UBE2R2: variants seen among roughly 807,000 people sequenced by gnomAD.
The protein encoded by UBE2R2 is ubiquitin-conjugating enzyme E2 R2.
Under a neutral mutation model 27.8 loss-of-function variants are expected in UBE2R2, and 1 was observed. The ratio of observed to expected loss-of-function variants is 0.04; its 90% CI spans 0.01 to 0.17. The LOEUF (loss-of-function observed/expected upper bound fraction) is 0.17. Ranked by LOEUF, UBE2R2 falls within the 10% of genes least tolerant of loss-of-function variation. The probability of loss-of-function intolerance (pLI) is 1.00; values close to 1 mark genes in which losing one functional copy is unlikely to be tolerated. For synonymous variants in UBE2R2, 106 were observed against 113.3 expected (o/e 0.94, Z 0.41); for missense variants, 100 against 291.0 (o/e 0.34, Z 4.78).
chr9:33,847,394 C>T (rs1215249695), intron 1 of UBE2R2, among the ~76,000 whole-genome samples: 2 of 152,184 alleles, frequency 1.3e-5, no homozygotes, highest in South Asian at 2.1e-4. Flanking sequence ...TGCGCCCGGC[C>T]CTGGCTTGCT....
rs116108102 is a variant in UBE2R2, at chr9:33,878,792, C to T, written c.178-8089C>T. On this transcript the variant is annotated intron_variant, in intron 1 of 4. Coordinates refer to ENST00000263228, the MANE Select transcript of UBE2R2 (RefSeq NM_017811.4). The stretch of plus-strand genomic sequence containing the variant: ...GGGCTTTGTGGAGTACTGAAAATGC[C>T]AAGGTTGCAGTGAGCTAACTTGCAG... 2.9e-3 allele frequency among the ~76,000 whole-genome samples: 449 copies of T among 152,210 alleles called. 2 individuals carry two copies. Among genetic ancestry groups the T allele is most frequent in the African/African-American group, 9.9e-3 (410 of 41,552 alleles).
intron 1 of UBE2R2, among the ~76,000 whole-genome samples, chr9:33,836,757 CAA>C (rs776570301): frequency 2.8e-4 from 41 of 147,804 alleles, no homozygotes; most frequent in East Asian, 3.9e-4. Flanking sequence ...ACTCTTATCT[CAA>C]AAAAAAAAAA....
At chr9:33,832,259 GATTGCGCC>G (rs1820506143) in intron 1 of UBE2R2, among the ~76,000 whole-genome samples, 1 of 151,090 alleles carries the variant, frequency 6.6e-6, no homozygotes, top group East Asian at 2.0e-4. Flanking sequence ...AGTGAGCTGA[GATTGCGCC>G]ATTGCACTCC....
At chr9:33,822,896 C>G (rs1481297220) in intron 1 of UBE2R2, among the ~76,000 whole-genome samples, 1 of 145,030 alleles carries the variant, frequency 6.9e-6, no homozygotes, top group Non-Finnish European at 1.5e-5. Flanking sequence ...TCTTTTTCTT[C>G]TTCTTATTAA....
intron 1 of UBE2R2, among the ~76,000 whole-genome samples, chr9:33,860,084 G>A (rs1821195910): frequency 6.7e-6 from 1 of 149,226 alleles, no homozygotes; most frequent in Non-Finnish European, 1.5e-5. Context: ...TGAGATTACA[G>A]GTGTGAGCCA....
chr9:33,890,204 C>T (rs539431205), intron 2 of UBE2R2, among the ~76,000 whole-genome samples: 65 of 152,200 alleles, frequency 4.3e-4, no homozygotes, highest in Non-Finnish European at 6.5e-4. Flanking sequence ...AAAATTTTTT[C>T]CATATTCATA....
At chr9:33,906,848 G>T (rs983919462) in intron 3 of UBE2R2, among the ~76,000 whole-genome samples, 1 of 152,132 alleles carries the variant, frequency 6.6e-6, no homozygotes, top group Non-Finnish European at 1.5e-5. Context: ...ACCAGCCTGG[G>T]CAACATGACG....
Position 33,832,841 on chromosome 9 carries a change from TAC to T in UBE2R2, c.177+14909_177+14910del, listed in dbSNP as rs1820524941. Among the ~76,000 whole-genome samples, 3 of 152,276 alleles carry T rather than the reference TAC, an allele frequency of 2.0e-5. No individual in the cohort carries two copies. In the South Asian group the frequency reaches 6.2e-4, roughly 32 times the overall value. On this transcript the variant is annotated intron_variant, in intron 1 of 4. Coordinates refer to ENST00000263228, the MANE Select transcript of UBE2R2 (RefSeq NM_017811.4). ...ATACATTAAAATTAATCTTTTTAGT[TAC>T]ATAGTTCTATGAATTTTGATAAATG...
chr9:33,836,489 C>T (rs1451446163), intron 1 of UBE2R2, among the ~76,000 whole-genome samples: 1 of 152,068 alleles, frequency 6.6e-6, no homozygotes, highest in Non-Finnish European at 1.5e-5. Flanking sequence ...GGCTTGGTGG[C>T]TCATGCCTAT....
At chr9:33,877,825 C>CTGTCTGTCTG (rs760584943) in intron 1 of UBE2R2, among the ~76,000 whole-genome samples, 16 of 143,680 alleles carry the variant, frequency 1.1e-4, no homozygotes, top group African/African-American at 4.1e-4. Flanking sequence ...GTCTGTCTGT[C>CTGTCTGTCTG]TCTCTCTCTC....
intron 1 of UBE2R2, among the ~76,000 whole-genome samples, chr9:33,830,283 G>A (rs907911036): frequency 6.7e-6 from 1 of 149,750 alleles, no homozygotes; most frequent in East Asian, 2.0e-4. Flanking sequence ...TCAGCCTCCC[G>A]AGTCGCTGGG....
At chr9:33,887,095 C>G in intron 2 of UBE2R2, 128 bp downstream of exon 2, 1 of 737,902 alleles carries the variant, frequency 1.4e-6, no homozygotes, top group Admixed American at 3.3e-5. Flanking sequence ...AATGATTTTG[C>G]ACTTCAGTTA....
rs988098553 is a variant in UBE2R2, at chr9:33,864,335, A to G, written c.178-22546A>G. 2.6e-5 allele frequency among the ~76,000 whole-genome samples: 4 copies of G among 152,258 alleles called. No individual in the cohort carries two copies. In the East Asian group the frequency reaches 7.7e-4, roughly 29 times the overall value. On this transcript the variant is annotated intron_variant, in intron 1 of 4. Transcript: ENST00000263228. The stretch of plus-strand genomic sequence containing the variant: ...CCAGGATGTCTTATCCTGGCTGTCA[A>G]GGATCCCATTTCTTAGATTAGCCAT...
intron 1 of UBE2R2, among the ~76,000 whole-genome samples, chr9:33,872,524 C>A (rs1244177584): frequency 6.6e-6 from 1 of 152,154 alleles, no homozygotes; most frequent in Non-Finnish European, 1.5e-5. Flanking sequence ...TGGTGGCTCA[C>A]GCCTGTAATC....
chr9:33,884,231 T>TCTCTCTCTCTCTCTCC (rs1821803195), intron 1 of UBE2R2, among the ~76,000 whole-genome samples: 1 of 145,664 alleles, frequency 6.9e-6, no homozygotes, highest in African/African-American at 2.6e-5. Context: ...TCTCTCTCTC[T>TCTCTCTCTCTCTCTCC]CTCTTCCCCC....
chr9:33,825,696 A>G (rs1405553255), intron 1 of UBE2R2, among the ~76,000 whole-genome samples: 4 of 152,238 alleles, frequency 2.6e-5, no homozygotes, highest in Non-Finnish European at 5.9e-5. Flanking sequence ...TAATCTAGTT[A>G]TGGAAAAATA....
chr9:33,825,596 TA>T (rs769162041), intron 1 of UBE2R2, among the ~76,000 whole-genome samples: 2 of 152,218 alleles, frequency 1.3e-5, no homozygotes, highest in Non-Finnish European at 2.9e-5. Context: ...AACATAATGA[TA>T]AAATGTTCTG....
At chr9:33,852,476 T>C (rs912732) in intron 1 of UBE2R2, among the ~76,000 whole-genome samples, 10,324 of 152,228 alleles carry the variant, frequency 0.068, 489 homozygotes, top group Non-Finnish European at 0.099. Context: ...GGCTAAGACT[T>C]CCACACATTG....
intron 1 of UBE2R2, 57 bp from the exon 2 acceptor site, chr9:33,886,824 A>T: frequency 7.2e-7 from 1 of 1,396,802 alleles, no homozygotes; most frequent in Non-Finnish European, 9.7e-7. Flanking sequence ...GTGAATTATT[A>T]GGCAGATGAA....
Sources: allele counts gnomAD v4.1 joint callset (sites outside exome capture counted in the v4.1 genomes callset), GRCh38; gene constraint gnomAD v4.1.1; transcripts MANE v1.5; gene names NCBI Gene and HGNC (gene_info 2026-07-23, HGNC 2026-07-21).